Variants in PSMG2 observed in about 807,000 individuals in gnomAD.
PSMG2 encodes proteasome assembly chaperone 2.
PSMG2 carries 21 observed loss-of-function variants against 31.5 expected under a neutral mutation model. The observed-to-expected ratio is 0.67, with a 90% CI of 0.47 to 0.96. The LOEUF (loss-of-function observed/expected upper bound fraction) is 0.96, where lower values mean the gene tolerates loss of function less well. Among genes scored for constraint, PSMG2 ranks in the 40% least tolerant of loss-of-function variants. The pLI is 0.00. For synonymous variants in PSMG2, 120 were observed against 110.4 expected (o/e 1.09, Z -0.54); for missense variants, 318 against 321.2 (o/e 0.99, Z 0.08).
intron 1 of PSMG2, among the ~76,000 whole-genome samples, chr18:12,684,141 T>G (rs1243313523): frequency 6.6e-6 from 1 of 151,422 alleles, no homozygotes; most frequent in African/African-American, 2.4e-5. Context: ...TCTCCTTTTT[T>G]TGTGTTTTTA....
At position 12,725,513 on chromosome 18, in the gene PSMG2, T is replaced by C; in HGVS notation, c.777T>C (p.Leu259=). ...SSWRLLFGSG[L]PPALF is the part of the protein sequence containing the mutation. Reference sequence around the variant, plus strand: ...GGAGATTACTCTTTGGCAGTGGTCTTCCCCCTGCACTTTTCTGATCTAATT... The same window carrying C: ...GGAGATTACTCTTTGGCAGTGGTCTCCCCCCTGCACTTTTCTGATCTAATT... The change falls in exon 7 of 7, where the codon CTT becomes CTC. Residue 259 remains leucine, a synonymous_variant. Coordinates refer to ENST00000317615, the MANE Select transcript of PSMG2 (RefSeq NM_020232.5). 2 of 1,596,350 alleles carry C rather than the reference T, an allele frequency of 1.3e-6. No homozygotes were observed. Among genetic ancestry groups the C allele is most frequent in the East Asian group, 2.2e-5 (1 of 44,690 alleles).
In PSMG2 at chr18:12,682,162, C is replaced by T. The variant is rs551955080; in HGVS notation, c.-37+23389C>T. Among the ~76,000 whole-genome samples, 3 of 149,666 alleles carry T rather than the reference C, an allele frequency of 2.0e-5. No homozygotes were observed. In the South Asian group the frequency reaches 6.4e-4, roughly 32 times the overall value. The stretch of plus-strand genomic sequence containing the variant: ...GTTGAGTGTCCGAATGAAGAAATTT[C>T]TTTTTTTTTTCCTCTCTTTTGAGAT... On this transcript the variant is annotated intron_variant, in intron 1 of 6. Transcript: ENST00000585331.
chr18:12,711,429 A>G (rs188029994), intron 2 of PSMG2, among the ~76,000 whole-genome samples: 16 of 152,310 alleles, frequency 1.1e-4, no homozygotes, highest in Admixed American at 9.2e-4. Context: ...TTTGTCACAG[A>G]TAGGTTAGAG....
intron 1 of PSMG2, among the ~76,000 whole-genome samples, chr18:12,661,591 G>C (rs1186407386): frequency 6.6e-6 from 1 of 151,916 alleles, no homozygotes; most frequent in Admixed American, 6.6e-5. Flanking sequence ...GGCCAACATG[G>C]TGAAACCTCG....
intron 1 of PSMG2, chr18:12,672,884 T>TA (rs1372809238): frequency 1.0e-6 from 1 of 985,252 alleles, no homozygotes; most frequent in African/African-American, 1.7e-5. Context: ...ACAAAAGTGG[T>TA]AATTCATTAA....
upstream of PSMG2, chr18:12,702,314 C>A (rs549472463): frequency 6.4e-5 from 36 of 559,984 alleles, no homozygotes; most frequent in African/African-American, 6.8e-4. Context: ...TTCTCGGAGA[C>A]GAGGACGCTC....
chr18:12,685,940 T>C lies in PSMG2; in HGVS notation c.-36-20610T>C, dbSNP rs368290296. 3.5e-5 allele frequency: 6 copies of C among 170,750 alleles called. No individual in the cohort carries two copies. In the East Asian group the frequency reaches 6.8e-4, roughly 19 times the overall value. The allele number at this position is 170,750 out of a possible 1,614,324, so 10.6% of individuals were successfully genotyped here. On this transcript the variant is annotated intron_variant, in intron 1 of 6. Transcript: ENST00000585331. Reference sequence around the variant, plus strand: ...GCCACTGCGGCCAGCCAAAATGGTATAGTATTTTATATATAACCTAAGCAC... The same window carrying C: ...GCCACTGCGGCCAGCCAAAATGGTACAGTATTTTATATATAACCTAAGCAC...
At chr18:12,723,247 T>C (rs1030821890) in intron 5 of PSMG2, among the ~76,000 whole-genome samples, 1 of 152,132 alleles carries the variant, frequency 6.6e-6, no homozygotes, top group African/African-American at 2.4e-5. Flanking sequence ...TTCTCATAGT[T>C]CTTGGTTTTA....
chr18:12,687,749 G>C (rs780591671), intron 1 of PSMG2, among the ~76,000 whole-genome samples: 2 of 151,582 alleles, frequency 1.3e-5, no homozygotes, highest in African/African-American at 2.4e-5. Flanking sequence ...CACTGTGCCT[G>C]GCCTAGAGGG....
upstream of PSMG2, among the ~76,000 whole-genome samples, chr18:12,699,644 T>C (rs1002123829): frequency 1.3e-5 from 2 of 152,190 alleles, no homozygotes; most frequent in African/African-American, 4.8e-5. Flanking sequence ...TTTTTGCTTC[T>C]ACCGTGCTAT....
At chr18:12,660,446 C>G (rs565989655) in intron 1 of PSMG2, among the ~76,000 whole-genome samples, 1 of 151,824 alleles carries the variant, frequency 6.6e-6, no homozygotes, top group Non-Finnish European at 1.5e-5. Flanking sequence ...CTCGGCCTCC[C>G]GAGTAGCTGG....
upstream of PSMG2, among the ~76,000 whole-genome samples, chr18:12,698,403 A>T (rs1322029881): frequency 2.0e-5 from 3 of 152,114 alleles, no homozygotes; most frequent in Admixed American, 2.0e-4. Context: ...TCCTGACCTC[A>T]GGTGACCCAC....
chr18:12,690,940 C>G, intron 1 of PSMG2, among the ~76,000 whole-genome samples: 1 of 85,076 alleles, frequency 1.2e-5, no homozygotes, highest in South Asian at 3.0e-4. Flanking sequence ...ATGCCCAGAG[C>G]CCCCCCCCGT....
At chr18:12,701,991 G>T (rs1214799972), upstream of PSMG2, among the ~76,000 whole-genome samples, 1 of 152,160 alleles carries the variant, frequency 6.6e-6, no homozygotes, top group Admixed American at 6.5e-5. Context: ...GCCGAGCGTG[G>T]TGGCGCGCGC....
At chr18:12,725,376 C>A in intron 6 of PSMG2, 63 bp from the exon 7 acceptor site, 1 of 1,292,736 alleles carries the variant, frequency 7.7e-7, no homozygotes, top group Non-Finnish European at 1.1e-6. Flanking sequence ...TTTTATAATT[C>A]ACTTTAAAAG....
intron 1 of PSMG2, among the ~76,000 whole-genome samples, chr18:12,665,902 G>A (rs949891840): frequency 1.3e-5 from 2 of 152,102 alleles, no homozygotes; most frequent in South Asian, 2.1e-4. Context: ...TCACCATGTT[G>A]GCCAGGCTGG....
At position 12,671,499 on chromosome 18, in the gene PSMG2, A is replaced by G. The variant is rs1052092557; in HGVS notation, c.-37+12726A>G. Among the ~76,000 whole-genome samples the G allele has an allele frequency of 3.3e-5, 5 of 152,224 alleles. No homozygotes were observed. In the South Asian group the frequency reaches 6.2e-4, roughly 19 times the overall value. ...TATGCACAGAAGTGCTAAATGGGCA[A>G]TCAAACCCCTCATATCATGTATTAT... On this transcript the variant is annotated intron_variant, in intron 1 of 6. Coordinates refer to the PSMG2 transcript ENST00000585331.
At position 12,718,743 on chromosome 18, in the gene PSMG2, CT is replaced by C. The variant is rs1219853233; in HGVS notation, c.407+109del. 3 of 722,996 alleles carry C rather than the reference CT, an allele frequency of 4.1e-6. No individual in the cohort carries two copies. The Admixed American group carries it at 8.3e-5, about 20-fold the overall frequency. 44.8% of individuals were successfully genotyped at this position (722,996 alleles called of 1,614,324 possible). ...CCACGTAGATCCTTACCTCTTCTTACTGGAGTTTAGAAAGAGGGGGGTAAGA... is the reference window on the plus strand; with the variant it reads ...CCACGTAGATCCTTACCTCTTCTTACGGAGTTTAGAAAGAGGGGGGTAAGA... On this transcript the variant is annotated intron_variant, in intron 4 of 6. Transcript: ENST00000317615.
intron 1 of PSMG2, among the ~76,000 whole-genome samples, chr18:12,682,299 C>T (rs1381938265): frequency 6.6e-6 from 1 of 151,998 alleles, no homozygotes; most frequent in African/African-American, 2.4e-5. Context: ...AAGTGATTCC[C>T]CCGCCTCAGC....
Sources: gnomAD v4.1 joint callset for allele counts (sites outside exome capture counted in the v4.1 genomes callset) on GRCh38, gnomAD v4.1.1 for gene constraint, MANE v1.5 for transcripts, NCBI Gene and HGNC (gene_info 2026-07-23, HGNC 2026-07-21) for gene names.